Variants in CCDC180 observed in about 807,000 individuals in gnomAD.
CCDC180 encodes the protein coiled-coil domain containing 180.
CCDC180 carries 154 observed loss-of-function variants against 209.2 expected under a neutral mutation model. The ratio of observed to expected loss-of-function variants is 0.74; its 90% CI spans 0.65 to 0.84. The LOEUF (loss-of-function observed/expected upper bound fraction) is 0.84. Ranked by LOEUF, CCDC180 falls within the 40% of genes least tolerant of loss-of-function variation. The pLI, the probability that CCDC180 is intolerant of heterozygous loss-of-function variation, is 0.00. For missense variants in CCDC180, 1,874 were observed against 1,997.3 expected (o/e 0.94, Z 1.18); for synonymous variants, 778 against 749.1 (o/e 1.04, Z -0.63).
intron 18 of CCDC180, among the ~76,000 whole-genome samples, chr9:97,342,538 C>T (rs151331595): frequency 3.3e-5 from 5 of 152,336 alleles, no homozygotes; most frequent in Non-Finnish European, 7.3e-5. Context: ...CTCAGCCTCT[C>T]AAAGTGCTGG....
intron 29 of CCDC180, 171 bp downstream of exon 29, chr9:97,364,299 C>T (rs934681795): frequency 3.6e-6 from 2 of 560,720 alleles, no homozygotes; most frequent in African/African-American, 4.0e-5. Flanking sequence ...GCCCATTTCA[C>T]CTAAATTTGT....
intron 12 of CCDC180, 110 bp from the exon 13 acceptor site, chr9:97,323,671 C>T: frequency 1.5e-6 from 2 of 1,298,106 alleles, no homozygotes; most frequent in South Asian, 3.1e-5. Flanking sequence ...CAGGGCCCTT[C>T]ACCTGGAGCT....
chr9:97,333,426 A>C (rs1370882522), intron 18 of CCDC180, among the ~76,000 whole-genome samples: 1 of 148,810 alleles, frequency 6.7e-6, no homozygotes, highest in East Asian at 2.0e-4. Context: ...TTTTTGGAAT[A>C]GTTTCAGCAG....
chr9:97,321,005 G>A (rs1413165615), intron 11 of CCDC180, among the ~76,000 whole-genome samples: 4 of 152,174 alleles, frequency 2.6e-5, no homozygotes, highest in Non-Finnish European at 4.4e-5. Flanking sequence ...GCCTGGATAC[G>A]TGGTGTGATA....
chr9:97,325,250 A>G, intron 14 of CCDC180, 58 bp downstream of exon 14: 1 of 1,518,918 alleles, frequency 6.6e-7, no homozygotes, highest in Non-Finnish European at 8.9e-7. Flanking sequence ...GAACTCAAAC[A>G]GATCCTTGAC....
At chr9:97,374,226 A>G (rs1306445666) in intron 34 of CCDC180, 1 of 287,096 alleles carries the variant, frequency 3.5e-6, no homozygotes, top group Non-Finnish European at 6.6e-6. Flanking sequence ...AGCCTAAGCC[A>G]AAGAAGTCTC....
At chr9:97,343,201 G>GA (rs1303127569) in intron 18 of CCDC180, 139 bp from the exon 19 acceptor site, 24 of 571,938 alleles carry the variant, frequency 4.2e-5, no homozygotes, top group Non-Finnish European at 6.2e-5. Context: ...TGTGGGGGGC[G>GA]AAAAAACCTA....
At chr9:97,307,418 C>T (rs1404183524), upstream of CCDC180, 3 of 574,398 alleles carry the variant, frequency 5.2e-6, no homozygotes, top group Admixed American at 6.7e-5. Flanking sequence ...GCAAGGCCTC[C>T]CTCCAATCTA....
intron 22 of CCDC180, among the ~76,000 whole-genome samples, chr9:97,353,083 A>G (rs1327034070): frequency 2.0e-5 from 3 of 151,870 alleles, no homozygotes; most frequent in Non-Finnish European, 4.4e-5. Flanking sequence ...TGCAACCTCC[A>G]CCTCCTGGGT....
intron 26 of CCDC180, 118 bp downstream of exon 26, chr9:97,360,219 C>A: frequency 8.1e-7 from 1 of 1,228,368 alleles, no homozygotes; most frequent in Non-Finnish European, 1.1e-6. Context: ...CTCCGCGGGA[C>A]ATCAGGCTTA....
chr9:97,329,366 C>G (rs1825658366), intron 16 of CCDC180, among the ~76,000 whole-genome samples: 2 of 152,194 alleles, frequency 1.3e-5, no homozygotes, highest in Admixed American at 6.5e-5. Flanking sequence ...TCCAGACCTG[C>G]AAATTCCACA....
At chr9:97,309,153 G>A (rs1832897709) in intron 2 of CCDC180, among the ~76,000 whole-genome samples, 2 of 152,118 alleles carry the variant, frequency 1.3e-5, no homozygotes, top group South Asian at 2.1e-4. Context: ...AATTTCTTGT[G>A]ATTATAAAAA....
At chr9:97,341,983 G>T (rs994689178) in intron 18 of CCDC180, among the ~76,000 whole-genome samples, 10 of 152,344 alleles carry the variant, frequency 6.6e-5, no homozygotes, top group African/African-American at 1.4e-4. Flanking sequence ...TGCTGAGCCA[G>T]GTGCAGGATA....
At chr9:97,319,224 C>T (rs1014136356) in intron 10 of CCDC180, among the ~76,000 whole-genome samples, 1 of 152,160 alleles carries the variant, frequency 6.6e-6, no homozygotes, top group Non-Finnish European at 1.5e-5. Context: ...TTAATAGGTA[C>T]AGCAAATCAC....
intron 18 of CCDC180, among the ~76,000 whole-genome samples, chr9:97,339,794 C>T (rs1414700470): frequency 6.6e-6 from 1 of 152,210 alleles, no homozygotes; most frequent in Non-Finnish European, 1.5e-5. Context: ...TTCAGGTACA[C>T]CAGTCAAACA....
intron 5 of CCDC180, 114 bp downstream of exon 5, chr9:97,313,459 A>T: frequency 1.5e-6 from 1 of 680,322 alleles, no homozygotes; most frequent in Non-Finnish European, 2.6e-6. Context: ...AGGGGCTCAC[A>T]GAGCCTTAGA....
At chr9:97,342,335 G>C (rs2118770213) in intron 18 of CCDC180, among the ~76,000 whole-genome samples, 1 of 152,282 alleles carries the variant, frequency 6.6e-6, no homozygotes, top group East Asian at 1.9e-4. Flanking sequence ...TGTATTTTTA[G>C]TAGAGACAGG....
chr9:97,368,989 CAT>C (rs2117962765), intron 31 of CCDC180, among the ~76,000 whole-genome samples: 1 of 152,086 alleles, frequency 6.6e-6, no homozygotes, highest in Admixed American at 6.6e-5. Flanking sequence ...GAATTGGAAA[CAT>C]GAATAAGAAG....
intron 29 of CCDC180, 31 bp downstream of exon 29, chr9:97,364,159 A>G: frequency 6.2e-7 from 1 of 1,608,240 alleles, no homozygotes; most frequent in African/African-American, 1.3e-5. Context: ...TTTTGACTGC[A>G]TTTAACCTGT....
Sources: gnomAD v4.1 joint callset for allele counts (sites outside exome capture counted in the v4.1 genomes callset) on GRCh38, gnomAD v4.1.1 for gene constraint, MANE v1.5 for transcripts, NCBI Gene and HGNC (gene_info 2026-07-23, HGNC 2026-07-21) for gene names.